FZD3: variants seen among roughly 807,000 people sequenced by gnomAD.
The protein encoded by FZD3 is frizzled class receptor 3.
In FZD3, 30 loss-of-function variants were observed where a neutral mutation model predicts 60.7. The ratio of observed to expected loss-of-function variants is 0.49; its 90% CI spans 0.37 to 0.67. FZD3 has a LOEUF of 0.67. FZD3 is among the 30% of genes least tolerant of loss of function. The pLI, the probability that FZD3 is intolerant of heterozygous loss-of-function variation, is 0.00. For synonymous variants in FZD3, 246 were observed against 275.2 expected (o/e 0.89, Z 1.05); for missense variants, 605 against 838.7 (o/e 0.72, Z 3.44).
Position 28,563,134 on chromosome 8 carries a change from C to A in FZD3, c.*123C>A. The A allele has an allele frequency of 1.4e-6, 1 of 693,606 alleles. No homozygotes were observed. 43.0% of individuals were successfully genotyped at this position (693,606 alleles called of 1,614,324 possible). On this transcript the variant is annotated 3_prime_UTR_variant, in exon 8 of 8. Transcript: ENST00000240093. ...CTTTCAGTCAAGTACAGATTGTGTC[C>A]ACTGGAAAGGTAAATGATTGCTTTT...
At chr8:28,538,015 G>T (rs570727400) in intron 5 of FZD3, among the ~76,000 whole-genome samples, 116 of 151,938 alleles carry the variant, frequency 7.6e-4, no homozygotes, top group Non-Finnish European at 4.3e-4. Context: ...TACCTAGGAG[G>T]CTGAGGCAGG....
At chr8:28,509,002 G>T (rs989349370) in intron 3 of FZD3, among the ~76,000 whole-genome samples, 35 of 151,864 alleles carry the variant, frequency 2.3e-4, no homozygotes, top group African/African-American at 6.3e-4. Flanking sequence ...TAGGGACAAA[G>T]ATTTCTTTAT....
In FZD3 at chr8:28,563,850, G is replaced by A. The variant is rs1328367587; in HGVS notation, c.*839G>A. The A allele has an allele frequency of 6.6e-6, 1 of 152,626 alleles. No individual in the cohort carries two copies. The highest frequency in any genetic ancestry group is 1.5e-5 in the Non-Finnish European group (1 of 68,034). 9.5% of individuals were successfully genotyped at this position (152,626 alleles called of 1,614,324 possible). A position where few individuals can be genotyped will look rare whatever the true frequency, so the allele number is the denominator to read the frequency against. On this transcript the variant is annotated 3_prime_UTR_variant, in exon 8 of 8. Coordinates refer to ENST00000240093, the MANE Select transcript of FZD3 (RefSeq NM_017412.4). ...TTCAAAATTTGCTTTGTGGAGGCAT[G>A]TAATAAGATAAACATCATACATTAT...
At chr8:28,509,566 A>G (rs1054486276) in intron 3 of FZD3, among the ~76,000 whole-genome samples, 1 of 152,196 alleles carries the variant, frequency 6.6e-6, no homozygotes, top group East Asian at 1.9e-4. Context: ...TTGAAAATCT[A>G]CACTCATTAA....
rs1198693444 is a variant in FZD3, at chr8:28,569,408, C to T, written c.*6397C>T. The T allele has an allele frequency of 6.6e-6, 1 of 151,412 alleles. No homozygotes were observed. The highest frequency in any genetic ancestry group is 6.6e-5 in the Admixed American group (1 of 15,178). The allele number at this position is 151,412 out of a possible 1,614,324, so 9.4% of individuals were successfully genotyped here. ...TAACTTTGGATAAGGCATTTTATCT[C>T]GTGGTGCCTCCATTTTTCTCATTCT... On this transcript the variant is annotated 3_prime_UTR_variant, in exon 8 of 8. Coordinates refer to ENST00000240093, the MANE Select transcript of FZD3 (RefSeq NM_017412.4).
chr8:28,511,552 T>C (rs1298961643), intron 3 of FZD3, among the ~76,000 whole-genome samples: 1 of 152,204 alleles, frequency 6.6e-6, no homozygotes, highest in African/African-American at 2.4e-5. Flanking sequence ...CAAAGCATAA[T>C]AGACTTTCAC....
chr8:28,572,134 C>G lies in FZD3; in HGVS notation c.*9123C>G, dbSNP rs1266711812. ...TCATCTCGGCATGTGGATCGCTCCT[C>G]CTGTAGATCAGCTGTTCTCTCTTAG... On this transcript the variant is annotated 3_prime_UTR_variant, in exon 8 of 8. Coordinates refer to ENST00000240093, the MANE Select transcript of FZD3 (RefSeq NM_017412.4). 2 of 151,996 alleles carry G rather than the reference C, an allele frequency of 1.3e-5. No individual in the cohort carries two copies. The highest frequency in any genetic ancestry group is 3.9e-4 in the East Asian group (2 of 5,164). 9.4% of individuals were successfully genotyped at this position (151,996 alleles called of 1,614,324 possible).
intron 1 of FZD3, among the ~76,000 whole-genome samples, chr8:28,499,087 G>A (rs2130259063): frequency 6.6e-6 from 1 of 152,220 alleles, no homozygotes. Flanking sequence ...TTTCTTGTCA[G>A]CCAGTCAGCA....
chr8:28,512,410 G>C (rs1353233290), intron 3 of FZD3, among the ~76,000 whole-genome samples: 2 of 152,112 alleles, frequency 1.3e-5, no homozygotes, highest in Non-Finnish European at 2.9e-5. Flanking sequence ...TTCATTCAGA[G>C]TGAGTGATCG....
chr8:28,523,559 AG>A (rs1446306232), intron 4 of FZD3, among the ~76,000 whole-genome samples: 1 of 151,720 alleles, frequency 6.6e-6, no homozygotes, highest in Non-Finnish European at 1.5e-5. Context: ...CCTCCCAAGT[AG>A]CTGGGATTAC....
At chr8:28,523,028 C>T (rs2130359365) in intron 4 of FZD3, among the ~76,000 whole-genome samples, 1 of 152,206 alleles carries the variant, frequency 6.6e-6, no homozygotes, top group Admixed American at 6.5e-5. Context: ...CCTCAGCCTC[C>T]CAAAGTGCTG....
chr8:28,511,236 C>G (rs542003214), intron 3 of FZD3, among the ~76,000 whole-genome samples: 36 of 151,122 alleles, frequency 2.4e-4, no homozygotes, highest in African/African-American at 7.8e-4. Context: ...ACCTGTAATC[C>G]CAGCACTTTG....
At chr8:28,509,521 C>A (rs934648132) in intron 3 of FZD3, among the ~76,000 whole-genome samples, 23 of 152,000 alleles carry the variant, frequency 1.5e-4, no homozygotes, top group Non-Finnish European at 3.1e-4. Flanking sequence ...AACATAATTA[C>A]AATTCCATCT....
intron 5 of FZD3, among the ~76,000 whole-genome samples, chr8:28,528,598 T>C (rs1176378887): frequency 6.6e-6 from 1 of 152,210 alleles, no homozygotes; most frequent in African/African-American, 2.4e-5. Flanking sequence ...TTTTCTTCTT[T>C]GCATACTGAA....
chr8:28,508,819 C>T (rs1008880089), intron 3 of FZD3, among the ~76,000 whole-genome samples: 3 of 152,182 alleles, frequency 2.0e-5, no homozygotes, highest in African/African-American at 7.2e-5. Context: ...ACCACCATGC[C>T]TGGCCATGGA....
chr8:28,539,779 A>G (rs1274031435), intron 5 of FZD3, among the ~76,000 whole-genome samples: 1 of 152,184 alleles, frequency 6.6e-6, no homozygotes, highest in Non-Finnish European at 1.5e-5. Context: ...TAGGGAAAGA[A>G]GCCAAGGACT....
At chr8:28,507,164 A>G (rs1237151938) in intron 3 of FZD3, among the ~76,000 whole-genome samples, 1 of 152,104 alleles carries the variant, frequency 6.6e-6, no homozygotes, top group Non-Finnish European at 1.5e-5. Flanking sequence ...TTTTTTTCAT[A>G]CTGGCTTTTT....
At chr8:28,503,293 A>T in intron 3 of FZD3, 91 bp downstream of exon 3, 1 of 668,258 alleles carries the variant, frequency 1.5e-6, no homozygotes. Context: ...GATAAACAAC[A>T]GGAAAATAAT....
intron 5 of FZD3, among the ~76,000 whole-genome samples, chr8:28,542,710 C>T (rs1461809547): frequency 2.0e-5 from 3 of 152,156 alleles, no homozygotes; most frequent in Non-Finnish European, 4.4e-5. Context: ...ACGCTATCCC[C>T]TACCTTGTGT....
Sources: gnomAD v4.1 joint callset for allele counts (sites outside exome capture counted in the v4.1 genomes callset) on GRCh38, gnomAD v4.1.1 for gene constraint, MANE v1.5 for transcripts, NCBI Gene and HGNC (gene_info 2026-07-23, HGNC 2026-07-21) for gene names.